APBA1: variants seen among roughly 807,000 people sequenced by gnomAD.
The protein encoded by APBA1 is amyloid beta precursor protein binding family A member 1, also known as amyloid-beta A4 precursor protein-binding family A member 1.
A neutral mutation model predicts 86.6 loss-of-function variants in APBA1; 55 were observed. That is an observed-to-expected ratio of 0.64 (90% CI 0.51 to 0.80). APBA1 has a LOEUF of 0.80. APBA1 is among the 30% of genes least tolerant of loss of function. APBA1 has a pLI of 0.00. For missense variants in APBA1, 1,090 were observed against 1,183.0 expected (o/e 0.92, Z 1.15); for synonymous variants, 511 against 493.9 (o/e 1.03, Z -0.46).
chr9:69,429,924 A>C lies in APBA1; in HGVS notation c.*1403T>G, dbSNP rs1195607485. ...CACATGAACACAAAATGCTCTTTGG[A>C]CCAAGTGAAAACTGGCTCAGAATTA... On this transcript the variant is annotated 3_prime_UTR_variant, in exon 13 of 13. Coordinates refer to ENST00000265381, the MANE Select transcript of APBA1 (RefSeq NM_001163.4). 1.3e-5 allele frequency: 2 copies of C among 152,146 alleles called. No homozygotes were observed. The highest frequency in any genetic ancestry group is 2.9e-5 in the Non-Finnish European group (2 of 68,048). 9.4% of individuals were successfully genotyped at this position (152,146 alleles called of 1,614,324 possible). A position where few individuals can be genotyped will look rare whatever the true frequency, so the allele number is the denominator to read the frequency against.
At position 69,664,058 on chromosome 9, in the gene APBA1, T is replaced by A. The variant is rs1312135261; in HGVS notation, c.-70+8095A>T. 2.6e-5 allele frequency among the ~76,000 whole-genome samples: 4 copies of A among 152,162 alleles called. No individual in the cohort carries two copies. The East Asian group carries it at 7.7e-4, about 29-fold the overall frequency. The stretch of plus-strand genomic sequence containing the variant: ...AGAAACCATGAAAAAACATATTACC[T>A]GGTAAGACTGCAGATTTCATGAAAA... On this transcript the variant is annotated intron_variant, in intron 1 of 12. Transcript: ENST00000265381.
At chr9:69,483,294 T>C (rs1835552796) in intron 2 of APBA1, among the ~76,000 whole-genome samples, 1 of 151,728 alleles carries the variant, frequency 6.6e-6, no homozygotes, top group African/African-American at 2.4e-5. Context: ...TCTCAGGAAG[T>C]GTGGGGATGC....
At chr9:69,586,906 G>A (rs1440927496) in intron 1 of APBA1, among the ~76,000 whole-genome samples, 7 of 152,180 alleles carry the variant, frequency 4.6e-5, no homozygotes, top group African/African-American at 1.4e-4. Context: ...GTATGATGAA[G>A]CAAAGAACCA....
At chr9:69,530,325 T>TAC (rs1836408423) in intron 1 of APBA1, among the ~76,000 whole-genome samples, 4 of 93,860 alleles carry the variant, frequency 4.3e-5, no homozygotes, top group African/African-American at 1.4e-4. Flanking sequence ...TATATATATA[T>TAC]ATATACACAC....
chr9:69,541,258 C>CA (rs1294574541), intron 1 of APBA1, among the ~76,000 whole-genome samples: 2 of 149,176 alleles, frequency 1.3e-5, no homozygotes, highest in East Asian at 2.0e-4. Flanking sequence ...GGGACCCCCC[C>CA]CCCCATTCTG....
chr9:69,495,467 G>T (rs77866779), intron 2 of APBA1, among the ~76,000 whole-genome samples: 6,790 of 152,060 alleles, frequency 0.045, 538 homozygotes, highest in African/African-American at 0.15. Context: ...CAGTACTCGT[G>T]TGAGTTGTTT....
At chr9:69,611,635 G>A (rs559233468) in intron 1 of APBA1, among the ~76,000 whole-genome samples, 1 of 152,256 alleles carries the variant, frequency 6.6e-6, no homozygotes, top group Non-Finnish European at 1.5e-5. Flanking sequence ...GTTCCATTTT[G>A]TCAGAAATAT....
chr9:69,572,970 G>C (rs1446363156), intron 1 of APBA1, among the ~76,000 whole-genome samples: 2 of 152,048 alleles, frequency 1.3e-5, no homozygotes, highest in Non-Finnish European at 2.9e-5. Context: ...TATTTATAGA[G>C]ACCATCCCAG....
intron 11 of APBA1, among the ~76,000 whole-genome samples, chr9:69,437,443 C>T (rs1258779760): frequency 7.6e-6 from 1 of 132,246 alleles, no homozygotes; most frequent in Non-Finnish European, 1.6e-5. Context: ...TAATTATTGG[C>T]TCAATTTCAG....
At chr9:69,594,610 T>C (rs2133967810) in intron 1 of APBA1, among the ~76,000 whole-genome samples, 1 of 152,278 alleles carries the variant, frequency 6.6e-6, no homozygotes, top group Non-Finnish European at 1.5e-5. Flanking sequence ...ACAACATGAT[T>C]ATATGATTAT....
At chr9:69,600,637 A>G (rs1303843961) in intron 1 of APBA1, among the ~76,000 whole-genome samples, 3 of 151,846 alleles carry the variant, frequency 2.0e-5, no homozygotes, top group South Asian at 2.1e-4. Flanking sequence ...TGTCTCTACT[A>G]AAAATAGAAA....
At chr9:69,639,446 G>A (rs1217534333) in intron 1 of APBA1, among the ~76,000 whole-genome samples, 1 of 152,100 alleles carries the variant, frequency 6.6e-6, no homozygotes, top group Non-Finnish European at 1.5e-5. Flanking sequence ...GTCAAAAGTA[G>A]AAAATATAAA....
intron 1 of APBA1, among the ~76,000 whole-genome samples, chr9:69,540,626 G>T (rs1055461990): frequency 1.3e-5 from 2 of 152,050 alleles, no homozygotes; most frequent in Admixed American, 1.3e-4. Context: ...TAGAGACAGG[G>T]TCTCGCTCTG....
intron 2 of APBA1, among the ~76,000 whole-genome samples, chr9:69,515,757 GCA>G (rs1348604686): frequency 6.6e-6 from 1 of 151,338 alleles, no homozygotes; most frequent in African/African-American, 2.4e-5. Flanking sequence ...AGGTCTCCAG[GCA>G]CAGTGTGGGA....
In APBA1 at chr9:69,484,728, G is replaced by C. The variant is rs547702569; in HGVS notation, c.1201-8585C>G. ...TCTCAGGAGATAGGGACCTTGTCTTGTTCATGTTCATCCTCCAACTGCCTC... is the reference window on the plus strand; with the variant it reads ...TCTCAGGAGATAGGGACCTTGTCTTCTTCATGTTCATCCTCCAACTGCCTC... On this transcript the variant is annotated intron_variant, in intron 2 of 12. Transcript: ENST00000265381. Among the ~76,000 whole-genome samples, 422 of 152,120 alleles carry C rather than the reference G, an allele frequency of 2.8e-3. 2 individuals carry two copies. The highest frequency in any genetic ancestry group is 9.8e-3 in the African/African-American group (405 of 41,528).
chr9:69,516,996 C>A lies in APBA1; in HGVS notation c.215G>T (p.Gly72Val). Reference protein sequence around the residue: ...AQLGQEEEERGECLARSASTE... With the variant: ...AQLGQEEEERVECLARSASTE... ...GCTGGCTGAGCGCGCCAGGCATTCC[C>A]CGCGCTCCTCTTCCTCCTGGCCGAG... Residue 72 changes from glycine (G) to valine (V), a missense_variant, in exon 2 of 13, where the codon GGG (glycine) becomes GTG (valine). This residue lies in a region of APBA1 where 678 missense variants were observed against 647.1 expected (regional missense o/e 1.05). Coordinates refer to ENST00000265381, the MANE Select transcript of APBA1 (RefSeq NM_001163.4). This position sits in a 1 kb window ranked among gnomAD's most constrained non-coding sequence, Gnocchi z 7.3. The A allele has an allele frequency of 6.3e-7, 1 of 1,581,468 alleles. No homozygotes were observed. The highest frequency in any genetic ancestry group is 2.3e-5 in the East Asian group (1 of 44,180).
At chr9:69,441,569 C>G (rs569851570) in intron 10 of APBA1, among the ~76,000 whole-genome samples, 1 of 152,334 alleles carries the variant, frequency 6.6e-6, no homozygotes, top group Admixed American at 6.5e-5. Context: ...CAAAGGACAT[C>G]TAACTCACAG....
Position 69,467,803 on chromosome 9 carries a change from G to A in APBA1, c.1482+20C>T, listed in dbSNP as rs779125589. 1 of 1,613,960 alleles carries A rather than the reference G, an allele frequency of 6.2e-7. No individual in the cohort carries two copies. The highest frequency in any genetic ancestry group is 8.5e-7 in the Non-Finnish European group (1 of 1,179,832). ...CTACACCAGCCCCCTGTCCCTGTTG[G>A]AGCACCCAGATGTCCTCACCTTGAT... On this transcript the variant is annotated intron_variant, in intron 5 of 12. Coordinates refer to ENST00000265381, the MANE Select transcript of APBA1 (RefSeq NM_001163.4).
intron 1 of APBA1, among the ~76,000 whole-genome samples, chr9:69,611,285 G>GAAAAAA (rs56357426): frequency 2.5e-4 from 28 of 111,902 alleles, no homozygotes; most frequent in African/African-American, 3.7e-4. Context: ...ACCAGAAAAG[G>GAAAAAA]AAAAAAAAAA....
Sources: gnomAD v4.1 joint callset for allele counts (sites outside exome capture counted in the v4.1 genomes callset) on GRCh38, gnomAD v4.1.1 for gene constraint, gnomAD v4.1.1 regional missense constraint, Gnocchi (gnomAD v3.1) non-coding constraint, MANE v1.5 for transcripts, NCBI Gene and HGNC (gene_info 2026-07-23, HGNC 2026-07-21) for gene names.